The following AGAP1 variants were observed in gnomAD, a reference collection of about 807,000 sequenced individuals.
The protein encoded by AGAP1 is arf-GAP with GTPase, ANK repeat and PH domain-containing protein 1.
Under a neutral mutation model 105.3 loss-of-function variants are expected in AGAP1, and 29 were observed. That is an observed-to-expected ratio of 0.28 (90% CI 0.21 to 0.38). The LOEUF (loss-of-function observed/expected upper bound fraction) is 0.38, where lower values mean the gene tolerates loss of function less well. Among genes scored for constraint, AGAP1 ranks in the 10% least tolerant of loss-of-function variants. AGAP1 has a pLI of 1.00. For missense variants in AGAP1, 998 were observed against 1,165.1 expected (o/e 0.86, Z 2.09); for synonymous variants, 509 against 485.9 (o/e 1.05, Z -0.63).
rs980652622 is a variant in AGAP1, at chr2:235,901,476, C to T, written c.1156-7262C>T. 2.6e-5 allele frequency among the ~76,000 whole-genome samples: 4 copies of T among 152,190 alleles called. No individual in the cohort carries two copies. The highest frequency in any genetic ancestry group is 4.8e-5 in the African/African-American group (2 of 41,456). ...TCTTTCCACAGTCCAACCCTTTGCT[C>T]CTCCCCGGTTGTGTACATAAAAGCA... On this transcript the variant is annotated intron_variant, in intron 10 of 17. Transcript: ENST00000304032. This position sits in a 1 kb window ranked among gnomAD's most constrained non-coding sequence, Gnocchi z 4.3.
intron 13 of AGAP1, among the ~76,000 whole-genome samples, chr2:235,985,312 T>A (rs1168381178): frequency 6.6e-6 from 1 of 152,200 alleles, no homozygotes; most frequent in Non-Finnish European, 1.5e-5. Context: ...TTGTTTCTTG[T>A]AAATTTGTTT....
intron 13 of AGAP1, among the ~76,000 whole-genome samples, chr2:236,019,641 C>A (rs960988157): frequency 2.0e-5 from 3 of 152,194 alleles, no homozygotes; most frequent in Non-Finnish European, 4.4e-5. Flanking sequence ...TGCACCTGGA[C>A]GGGGCTTAGT....
intron 9 of AGAP1, among the ~76,000 whole-genome samples, chr2:235,815,894 G>A (rs890145181): frequency 5.9e-5 from 9 of 152,178 alleles, no homozygotes; most frequent in East Asian, 1.9e-4. Context: ...TTTCAGTCCC[G>A]TCCATGGGAG....
chr2:235,652,212 G>C (rs1352733029), intron 1 of AGAP1, among the ~76,000 whole-genome samples: 1 of 152,122 alleles, frequency 6.6e-6, no homozygotes, highest in Non-Finnish European at 1.5e-5. Flanking sequence ...TGAATGTCCT[G>C]TGTCCCTCTG....
rs1194982339 is a variant in AGAP1 at position 235,725,252 on chromosome 2, G to A, written c.310+7608G>A. 1.3e-5 allele frequency among the ~76,000 whole-genome samples: 2 copies of A among 152,116 alleles called. No homozygotes were observed. Among genetic ancestry groups the A allele is most frequent in the Admixed American group, 1.3e-4 (2 of 15,278 alleles). ...GCCTAGAATTGTTTCCTGTCATCGG[G>A]GTAGTAAATGTGTTCTCAGGAGCAC... On this transcript the variant is annotated intron_variant, in intron 3 of 17. Coordinates refer to ENST00000304032, the MANE Select transcript of AGAP1 (RefSeq NM_001037131.3). This position sits in a 1 kb window ranked among gnomAD's most constrained non-coding sequence, Gnocchi z 5.7.
intron 12 of AGAP1, among the ~76,000 whole-genome samples, chr2:235,942,885 G>C (rs995877694): frequency 3.3e-5 from 5 of 152,010 alleles, no homozygotes; most frequent in African/African-American, 1.2e-4. Flanking sequence ...TTGTCAATTT[G>C]AGACCAACCT....
intron 5 of AGAP1, among the ~76,000 whole-genome samples, chr2:235,749,532 C>T (rs997937454): frequency 2.6e-5 from 4 of 152,192 alleles, no homozygotes; most frequent in East Asian, 3.9e-4. Flanking sequence ...TCAGGGGACT[C>T]GCTGCTCCCC....
At chr2:235,922,532 C>T (rs1290371400) in intron 11 of AGAP1, among the ~76,000 whole-genome samples, 2 of 152,070 alleles carry the variant, frequency 1.3e-5, no homozygotes, top group South Asian at 2.1e-4. Flanking sequence ...AATTGGAAGG[C>T]GCAGGGAATG....
rs1391838703 is a variant in AGAP1, at chr2:235,882,939, C to T, written c.1051-406C>T. Among the ~76,000 whole-genome samples, 14 of 152,074 alleles carry T rather than the reference C, an allele frequency of 9.2e-5. No homozygotes were observed. The highest frequency in any genetic ancestry group is 2.9e-4 in the African/African-American group (12 of 41,468). ...GAGATCCTCCCACCTCAACCCCCCA[C>T]GTAACTGGGATTACAGAAGCACACC... is the stretch of plus-strand genomic sequence containing the variant. On this transcript the variant is annotated intron_variant, in intron 9 of 17. Transcript: ENST00000304032. The surrounding 1 kb of genome is among the most constrained non-coding windows in gnomAD (Gnocchi z 4.6).
intron 16 of AGAP1, among the ~76,000 whole-genome samples, chr2:236,068,687 C>A (rs1339855928): frequency 5.4e-5 from 8 of 147,422 alleles, no homozygotes; most frequent in Admixed American, 2.1e-4. Flanking sequence ...GTAGTCCCAG[C>A]TACTCAGGAG....
rs1346063925 is a variant in AGAP1, at chr2:236,105,518, T to C, written c.2115-14674T>C. On this transcript the variant is annotated intron_variant, in intron 16 of 17. Coordinates refer to ENST00000304032, the MANE Select transcript of AGAP1 (RefSeq NM_001037131.3). This position sits in a 1 kb window ranked among gnomAD's most constrained non-coding sequence, Gnocchi z 4.2. ...AGATGCCTCTTGCAGTGTCCTCATG[T>C]GGAGGAGAGAGGAGAGGGGCATCTC... Among the ~76,000 whole-genome samples the C allele has an allele frequency of 6.7e-6, 1 of 150,218 alleles. No homozygotes were observed. The highest frequency in any genetic ancestry group is 2.0e-4 in the East Asian group (1 of 5,064).
At chr2:235,987,142 G>T (rs6726398) in intron 13 of AGAP1, among the ~76,000 whole-genome samples, 79,543 of 147,088 alleles carry the variant, frequency 0.54, 21,040 homozygotes, top group South Asian at 0.68. Context: ...TTTATTTATT[G>T]GTTGGTAGGC....
chr2:235,504,790 T>A (rs1007234046), intron 1 of AGAP1, among the ~76,000 whole-genome samples: 3 of 152,214 alleles, frequency 2.0e-5, no homozygotes, highest in Non-Finnish European at 4.4e-5. Context: ...ATTTTCATTC[T>A]TTCAGTTGTT....
At chr2:236,006,291 C>T (rs1253316900) in intron 13 of AGAP1, among the ~76,000 whole-genome samples, 2 of 152,088 alleles carry the variant, frequency 1.3e-5, no homozygotes, top group Admixed American at 6.6e-5. Context: ...TTGTATCTTT[C>T]CTGCCACAAT....
rs937061701 is a variant in AGAP1, at chr2:235,958,871, C to T, written c.1484-9591C>T. Among the ~76,000 whole-genome samples the T allele has an allele frequency of 6.6e-6, 1 of 152,200 alleles. No individual in the cohort carries two copies. The highest frequency in any genetic ancestry group is 1.5e-5 in the Non-Finnish European group (1 of 68,040). On this transcript the variant is annotated intron_variant, in intron 12 of 17. Coordinates refer to ENST00000304032, the MANE Select transcript of AGAP1 (RefSeq NM_001037131.3). The surrounding 1 kb of genome is among the most constrained non-coding windows in gnomAD (Gnocchi z 4.1). ...CTCCGAGTGAAAAGTGAAACTGCTT[C>T]TTTGACTCATACTTCACGTTCCGAA...
Position 236,036,565 on chromosome 2 carries a change from A to G in AGAP1, c.1650A>G (p.Gln550=). ...ADGLSGTAEE[Q]EENFEFIIVS... ...ATCCCACACTCTGTGTTTCAGAACA[A>G]GAAGAAAATTTTGAGTTTATCATTG... The change falls in exon 14 of 18, where the codon CAA becomes CAG. Residue 550 remains glutamine, a synonymous_variant. Coordinates refer to ENST00000304032, the MANE Select transcript of AGAP1 (RefSeq NM_001037131.3). This position sits in a 1 kb window ranked among gnomAD's most constrained non-coding sequence, Gnocchi z 5.7. 2 of 1,614,032 alleles carry G rather than the reference A, an allele frequency of 1.2e-6. No homozygotes were observed. The highest frequency in any genetic ancestry group is 1.3e-5 in the African/African-American group (1 of 75,062).
chr2:235,843,404 A>G lies in AGAP1; in HGVS notation c.1050+36073A>G, dbSNP rs1182849162. 2.0e-5 allele frequency among the ~76,000 whole-genome samples: 3 copies of G among 151,790 alleles called. No homozygotes were observed. The highest frequency in any genetic ancestry group is 4.8e-5 in the African/African-American group (2 of 41,302). ...CAGAATTCCTCCTCGGTGTCTGCTT[A>G]TTGCATGGCACGGTCTGGTTGGGCC... is the stretch of plus-strand genomic sequence containing the variant. On this transcript the variant is annotated intron_variant, in intron 9 of 17. Coordinates refer to ENST00000304032, the MANE Select transcript of AGAP1 (RefSeq NM_001037131.3). The surrounding 1 kb of genome is among the most constrained non-coding windows in gnomAD (Gnocchi z 5.9).
At chr2:235,531,485 G>T (rs929473096) in intron 1 of AGAP1, among the ~76,000 whole-genome samples, 1 of 151,994 alleles carries the variant, frequency 6.6e-6, no homozygotes, top group Admixed American at 6.6e-5. Flanking sequence ...TGAGTGACCC[G>T]CTCCCATGTC....
rs1285488837 is a variant in AGAP1 at position 235,721,139 on chromosome 2, C to T, written c.310+3495C>T. The stretch of plus-strand genomic sequence containing the variant: ...CCTCCTGCCGCAGCCTCCTGAGTAG[C>T]TGGGATTACAGGCACCCCCCACCGC... On this transcript the variant is annotated intron_variant, in intron 3 of 17. Transcript: ENST00000304032. The surrounding 1 kb of genome is among the most constrained non-coding windows in gnomAD (Gnocchi z 4.5). Among the ~76,000 whole-genome samples, 2 of 152,078 alleles carry T rather than the reference C, an allele frequency of 1.3e-5. No homozygotes were observed. The highest frequency in any genetic ancestry group is 2.9e-5 in the Non-Finnish European group (2 of 68,024).
Sources: gnomAD v4.1 joint callset for allele counts (sites outside exome capture counted in the v4.1 genomes callset) on GRCh38, gnomAD v4.1.1 for gene constraint, Gnocchi (gnomAD v3.1) non-coding constraint, MANE v1.5 for transcripts, NCBI Gene and HGNC (gene_info 2026-07-23, HGNC 2026-07-21) for gene names.